The following DGKB variants were observed in gnomAD, a reference collection of about 807,000 sequenced individuals.
The protein encoded by DGKB is 90 kDa diacylglycerol kinase.
In DGKB, 67 loss-of-function variants were observed where a neutral mutation model predicts 114.3. The ratio of observed to expected loss-of-function variants is 0.59; its 90% CI spans 0.48 to 0.72. The LOEUF (loss-of-function observed/expected upper bound fraction) is 0.72. DGKB is among the 30% of genes least tolerant of loss of function. The pLI is 0.00. For synonymous variants in DGKB, 398 were observed against 323.1 expected (o/e 1.23, Z -2.49); for missense variants, 907 against 975.2 (o/e 0.93, Z 0.93).
chr7:14,628,976 T>C (rs1356396269), intron 14 of DGKB, among the ~76,000 whole-genome samples: 2 of 152,106 alleles, frequency 1.3e-5, no homozygotes, highest in Admixed American at 1.3e-4. Flanking sequence ...TTTGGATCTA[T>C]TTACTCAATC....
intron 21 of DGKB, among the ~76,000 whole-genome samples, chr7:14,356,388 G>C (rs1279047652): frequency 1.7e-5 from 2 of 120,014 alleles, no homozygotes; most frequent in Non-Finnish European, 3.3e-5. Context: ...TTGAGACGGA[G>C]TCTCGCTCTA....
chr7:14,594,187 G>A (rs1420813063), intron 17 of DGKB, among the ~76,000 whole-genome samples: 1 of 152,030 alleles, frequency 6.6e-6, no homozygotes, highest in Admixed American at 6.6e-5. Flanking sequence ...ATCTGTAAGT[G>A]TGTTTTTTAC....
At chr7:14,219,362 G>C (rs1366865975) in intron 23 of DGKB, among the ~76,000 whole-genome samples, 1 of 151,742 alleles carries the variant, frequency 6.6e-6, no homozygotes, top group Non-Finnish European at 1.5e-5. Flanking sequence ...TCTCTAAATT[G>C]GCAGCACTAT....
rs1785529391 is a variant in DGKB at position 14,940,771 on chromosome 7, CTTTAT to C, written c.-188+33920_-188+33924del. Among the ~76,000 whole-genome samples the C allele has an allele frequency of 2.0e-5, 3 of 151,758 alleles. No homozygotes were observed. In the South Asian group the frequency reaches 6.2e-4, roughly 32 times the overall value. On this transcript the variant is annotated intron_variant, in intron 1 of 4. Transcript: ENST00000437998. Reference sequence around the variant, plus strand: ...TTCTTTTGTTTCCTCTTTATTCTTCCTTTATTTATTTATTTTTTATTTTTTGTGTT... The same window carrying C: ...TTCTTTTGTTTCCTCTTTATTCTTCCTTATTTATTTTTTATTTTTTGTGTT...
chr7:14,212,767 T>A (rs975731516), intron 23 of DGKB, among the ~76,000 whole-genome samples: 1 of 152,090 alleles, frequency 6.6e-6, no homozygotes, highest in African/African-American at 2.4e-5. Flanking sequence ...ATACTTTTTT[T>A]TCTAAAGTAC....
intron 8 of DGKB, among the ~76,000 whole-genome samples, chr7:14,696,388 G>A (rs903943412): frequency 6.6e-6 from 1 of 151,628 alleles, no homozygotes; most frequent in Non-Finnish European, 1.5e-5. Context: ...CCAGCTACTC[G>A]GGAGGCTGAG....
rs11448628 is a variant in DGKB, at chr7:14,387,881, CTT to C, written c.1836-42492_1836-42491del. On this transcript the variant is annotated intron_variant, in intron 21 of 25. Coordinates refer to ENST00000402815, the MANE Select transcript of DGKB (RefSeq NM_001350709.2). ...GTATCATCAGTTGAAGTGTCCTTTT[CTT>C]TTTTTTTTTTTTTTTTGACACAGTT... is the stretch of plus-strand genomic sequence containing the variant. Among the ~76,000 whole-genome samples the C allele has an allele frequency of 7.0e-3, 824 of 117,832 alleles. 5 individuals are homozygous for C. The highest frequency in any genetic ancestry group is 0.011 in the East Asian group (39 of 3,678). The allele number at this position is 117,832 out of a possible 152,430, so 77.3% of individuals were successfully genotyped here. A position where few individuals can be genotyped will look rare whatever the true frequency, so the allele number is the denominator to read the frequency against.
chr7:14,343,007 A>C (rs962839618), intron 22 of DGKB, among the ~76,000 whole-genome samples: 2 of 151,884 alleles, frequency 1.3e-5, no homozygotes, highest in African/African-American at 4.8e-5. Context: ...GACAAATAGG[A>C]AGCAACAACA....
intron 1 of DGKB, among the ~76,000 whole-genome samples, chr7:14,930,588 A>C (rs913636536): frequency 2.1e-4 from 32 of 152,164 alleles, no homozygotes; most frequent in Non-Finnish European, 4.6e-4. Flanking sequence ...TTCATTTATC[A>C]ATATAAAAGT....
intron 21 of DGKB, among the ~76,000 whole-genome samples, chr7:14,468,254 G>T (rs149729663): frequency 4.6e-5 from 7 of 151,868 alleles, no homozygotes; most frequent in African/African-American, 1.7e-4. Flanking sequence ...ATTGGTTAAC[G>T]TCACAGGCTT....
At chr7:14,443,950 T>G (rs73679770) in intron 21 of DGKB, among the ~76,000 whole-genome samples, 14,059 of 151,762 alleles carry the variant, frequency 0.093, 768 homozygotes, top group East Asian at 0.22. Flanking sequence ...TTAATTTCTT[T>G]TCATTTTTTA....
At chr7:14,704,436 A>G in intron 6 of DGKB, among the ~76,000 whole-genome samples, 1 of 142,924 alleles carries the variant, frequency 7.0e-6, no homozygotes, top group African/African-American at 2.7e-5. Context: ...CGACAGAGCG[A>G]GACTCCATCT....
At chr7:14,677,313 A>G (rs1820041780) in intron 12 of DGKB, among the ~76,000 whole-genome samples, 2 of 152,042 alleles carry the variant, frequency 1.3e-5, no homozygotes, top group South Asian at 4.1e-4. Flanking sequence ...AAGAAGAGAA[A>G]TAAGCTACTT....
At chr7:14,660,053 T>A (rs1397893630) in intron 13 of DGKB, among the ~76,000 whole-genome samples, 1 of 151,362 alleles carries the variant, frequency 6.6e-6, no homozygotes, top group Non-Finnish European at 1.5e-5. Context: ...TTGCGTGTAT[T>A]GAACCAGCCT....
At chr7:14,760,986 G>A (rs1835602578) in intron 2 of DGKB, among the ~76,000 whole-genome samples, 1 of 152,044 alleles carries the variant, frequency 6.6e-6, no homozygotes, top group African/African-American at 2.4e-5. Context: ...CATGAACTAG[G>A]GCTCAACAAT....
intron 1 of DGKB, among the ~76,000 whole-genome samples, chr7:14,884,402 C>A (rs1205191922): frequency 1.3e-5 from 2 of 152,078 alleles, no homozygotes; most frequent in Admixed American, 6.6e-5. Context: ...TATTTCCAGG[C>A]AGCCTTTAGT....
At chr7:14,863,467 C>A (rs1477397546) in intron 1 of DGKB, among the ~76,000 whole-genome samples, 1 of 151,524 alleles carries the variant, frequency 6.6e-6, no homozygotes, top group African/African-American at 2.4e-5. Context: ...AAAATTTCAT[C>A]TTTATATTAA....
intron 2 of DGKB, among the ~76,000 whole-genome samples, chr7:14,786,114 G>A (rs894942306): frequency 6.6e-6 from 1 of 151,164 alleles, no homozygotes. Flanking sequence ...AGGAATCAAA[G>A]ATTAGAAAAA....
chr7:14,414,695 T>C (rs1825432383), intron 21 of DGKB, among the ~76,000 whole-genome samples: 1 of 152,090 alleles, frequency 6.6e-6, no homozygotes, highest in Non-Finnish European at 1.5e-5. Flanking sequence ...GAGCATAACA[T>C]TATCAAACTT....
Sources: allele counts gnomAD v4.1 joint callset (sites outside exome capture counted in the v4.1 genomes callset), GRCh38; gene constraint gnomAD v4.1.1; transcripts MANE v1.5; gene names NCBI Gene and HGNC (gene_info 2026-07-23, HGNC 2026-07-21).